Variants in HIPK2 observed in about 807,000 individuals in gnomAD.
HIPK2 encodes homeodomain-interacting protein kinase 2.
In HIPK2, 27 loss-of-function variants were observed where a neutral mutation model predicts 113.7. The ratio of observed to expected loss-of-function variants is 0.24; its 90% confidence interval spans 0.17 to 0.33. The LOEUF (loss-of-function observed/expected upper bound fraction) is 0.33, where lower values mean the gene tolerates loss of function less well. Ranked by LOEUF, HIPK2 falls within the 10% of genes least tolerant of loss-of-function variation. HIPK2 has a pLI of 1.00. For synonymous variants in HIPK2, 631 were observed against 642.2 expected (o/e 0.98, Z 0.26); for missense variants, 1,257 against 1,588.0 (o/e 0.79, Z 3.54).
chr7:139,630,238 T>A lies in HIPK2; in HGVS notation c.1347+927A>T, dbSNP rs565562849. Among the ~76,000 whole-genome samples, 2 of 152,022 alleles carry A rather than the reference T, an allele frequency of 1.3e-5. No homozygotes were observed. Among genetic ancestry groups the A allele is most frequent in the Non-Finnish European group, 2.9e-5 (2 of 67,978 alleles). ...TAAAGTGAAGCCCCTGCCCCCGGAG[T>A]TTCAGGTTTATGGTTACTTGTGTGA... On this transcript the variant is annotated intron_variant, in intron 4 of 14. Coordinates refer to ENST00000406875, the MANE Select transcript of HIPK2 (RefSeq NM_022740.5). The surrounding 1 kb of genome is among the most constrained non-coding windows in gnomAD (Gnocchi z 4.0).
intron 2 of HIPK2, among the ~76,000 whole-genome samples, chr7:139,711,932 T>A (rs1382345437): frequency 6.6e-6 from 1 of 152,104 alleles, no homozygotes; most frequent in African/African-American, 2.4e-5. Context: ...CAGAATAGTG[T>A]TTCTCAAAGA....
chr7:139,736,642 T>C (rs914603039), intron 1 of HIPK2, among the ~76,000 whole-genome samples: 2 of 152,154 alleles, frequency 1.3e-5, no homozygotes, highest in Non-Finnish European at 2.9e-5. Context: ...TTGTTGAAGC[T>C]GGGAGGATGC....
At chr7:139,681,529 G>A (rs986451200) in intron 2 of HIPK2, among the ~76,000 whole-genome samples, 2 of 151,984 alleles carry the variant, frequency 1.3e-5, no homozygotes, top group Admixed American at 1.3e-4. Flanking sequence ...CACTCCCCTC[G>A]CCTCCTCCCG....
At chr7:139,637,480 C>T (rs530640881) in intron 2 of HIPK2, among the ~76,000 whole-genome samples, 3 of 152,318 alleles carry the variant, frequency 2.0e-5, no homozygotes, top group Admixed American at 2.0e-4. Context: ...GTTGCTTCTG[C>T]CTTAAATGCT....
intron 11 of HIPK2, 138 bp from the exon 12 acceptor site, chr7:139,597,136 C>G: frequency 1.1e-6 from 1 of 886,424 alleles, no homozygotes; most frequent in East Asian, 2.6e-5. Context: ...GAGCCTCCAT[C>G]TGTGACTGGG....
chr7:139,625,818 C>T (rs958156325), intron 6 of HIPK2, among the ~76,000 whole-genome samples: 1 of 152,220 alleles, frequency 6.6e-6, no homozygotes, highest in Admixed American at 6.5e-5. Flanking sequence ...GCCGTCTGCT[C>T]TGCTCACCAC....
At position 139,563,017 on chromosome 7, in the gene HIPK2, G is replaced by T. The variant is rs1023450753; in HGVS notation, c.*9910C>A. The T allele has an allele frequency of 6.6e-6, 1 of 151,302 alleles. No individual in the cohort carries two copies. Among genetic ancestry groups the T allele is most frequent in the Non-Finnish European group, 1.5e-5 (1 of 67,918 alleles). The allele number at this position is 151,302 out of a possible 1,614,324, so 9.4% of individuals were successfully genotyped here. A position where few individuals can be genotyped will look rare whatever the true frequency, so the allele number is the denominator to read the frequency against. On this transcript the variant is annotated 3_prime_UTR_variant, in exon 15 of 15. Transcript: ENST00000406875. ...GGGGGCTAGAGATGACTGTGCCCTGGAAAGTCCATGGAAGAAGCTTGAAGT... is the reference window on the plus strand; with the variant it reads ...GGGGGCTAGAGATGACTGTGCCCTGTAAAGTCCATGGAAGAAGCTTGAAGT...
intron 1 of HIPK2, among the ~76,000 whole-genome samples, chr7:139,757,315 T>C (rs1186837951): frequency 6.6e-6 from 1 of 152,210 alleles, no homozygotes; most frequent in African/African-American, 2.4e-5. Flanking sequence ...CCAAACTACA[T>C]TTTAACTTTA....
At chr7:139,591,975 G>A (rs998703789) in intron 12 of HIPK2, among the ~76,000 whole-genome samples, 4 of 152,230 alleles carry the variant, frequency 2.6e-5, no homozygotes, top group Non-Finnish European at 4.4e-5. Context: ...AATAATAAAT[G>A]AGTGTGTGTG....
intron 2 of HIPK2, among the ~76,000 whole-genome samples, chr7:139,701,876 C>G (rs1794719068): frequency 6.6e-6 from 1 of 152,130 alleles, no homozygotes. Context: ...CCAAAGGCAC[C>G]GTGCAGACTG....
intron 1 of HIPK2, among the ~76,000 whole-genome samples, chr7:139,770,501 T>C (rs766180624): frequency 6.6e-6 from 1 of 152,218 alleles, no homozygotes; most frequent in Non-Finnish European, 1.5e-5. Context: ...GAAATATTAG[T>C]GTGAAGGAAA....
rs746141253 is a variant in HIPK2 at position 139,716,549 on chromosome 7, A to G, written c.486T>C (p.Thr162=). The change falls in exon 2 of 15, where the codon ACT becomes ACC. Residue 162 remains threonine, a synonymous_variant. Transcript: ENST00000406875. The surrounding 1 kb of genome is among the most constrained non-coding windows in gnomAD (Gnocchi z 9.3). ...CAGTAGACGTGGTGGCAGTGGCGAC[A>G]GTGGCCCCGCTTGCATTATTCTGAA... ...PMIQNNASGA[T]VATATTSTAT... is the part of the protein sequence containing the mutation. 2 of 1,613,992 alleles carry G rather than the reference A, an allele frequency of 1.2e-6. No individual in the cohort carries two copies. Among genetic ancestry groups the G allele is most frequent in the African/African-American group, 2.7e-5 (2 of 75,042 alleles).
At chr7:139,707,374 G>T (rs1220211041) in intron 2 of HIPK2, among the ~76,000 whole-genome samples, 2 of 152,242 alleles carry the variant, frequency 1.3e-5, no homozygotes, top group Non-Finnish European at 2.9e-5. Flanking sequence ...ATCACCCTCC[G>T]TAAGACCCCG....
intron 2 of HIPK2, among the ~76,000 whole-genome samples, chr7:139,647,756 C>A (rs757072644): frequency 2.0e-5 from 3 of 152,082 alleles, no homozygotes; most frequent in Non-Finnish European, 2.9e-5. Flanking sequence ...AAAAAAAACC[C>A]ATAAGCAATT....
chr7:139,735,470 G>A (rs1795910398), intron 1 of HIPK2, among the ~76,000 whole-genome samples: 1 of 152,206 alleles, frequency 6.6e-6, no homozygotes, highest in Admixed American at 6.5e-5. Flanking sequence ...CTGCTAGGCT[G>A]AGGACTGTAG....
chr7:139,700,163 AGACGT>A (rs1426416578), intron 2 of HIPK2, among the ~76,000 whole-genome samples: 1 of 152,160 alleles, frequency 6.6e-6, no homozygotes, highest in Non-Finnish European at 1.5e-5. Context: ...TGCTGAAATC[AGACGT>A]GTTTTCAAGG....
At chr7:139,744,146 C>T (rs1256686665) in intron 1 of HIPK2, among the ~76,000 whole-genome samples, 2 of 152,102 alleles carry the variant, frequency 1.3e-5, no homozygotes, top group Middle Eastern at 3.2e-3. Flanking sequence ...TTCATAACAG[C>T]CAAAAAGTGG....
intron 2 of HIPK2, among the ~76,000 whole-genome samples, chr7:139,712,822 G>A (rs1056952862): frequency 3.9e-5 from 6 of 152,176 alleles, no homozygotes; most frequent in African/African-American, 9.7e-5. Context: ...GACTGTCCTC[G>A]AAAAATCGGA....
intron 2 of HIPK2, among the ~76,000 whole-genome samples, chr7:139,693,168 C>T (rs1174473277): frequency 2.0e-5 from 3 of 152,206 alleles, no homozygotes; most frequent in Non-Finnish European, 4.4e-5. Flanking sequence ...GTTACTTAAC[C>T]TCCTTGAGCT....
Sources: gnomAD v4.1 joint callset for allele counts (sites outside exome capture counted in the v4.1 genomes callset) on GRCh38, gnomAD v4.1.1 for gene constraint, Gnocchi (gnomAD v3.1) non-coding constraint, MANE v1.5 for transcripts, NCBI Gene and HGNC (gene_info 2026-07-23, HGNC 2026-07-21) for gene names.